The following ARHGAP8 variants were observed in gnomAD, a reference collection of about 807,000 sequenced individuals.
ARHGAP8 encodes rho GTPase-activating protein 8.
In ARHGAP8, 62 loss-of-function variants were observed where a neutral mutation model predicts 46.1. That is an observed-to-expected ratio of 1.34 (90% confidence interval 1.10 to 1.66). The LOEUF is 1.66. Among genes scored for constraint, ARHGAP8 ranks in the 40% most tolerant of loss-of-function variants. ARHGAP8 has a pLI of 0.00. For missense variants in ARHGAP8, 923 were observed against 568.4 expected (o/e 1.62, Z -6.34); for synonymous variants, 375 against 243.1 (o/e 1.54, Z -5.05).
At chr22:44,779,735 A>G (rs1312259944) in intron 1 of ARHGAP8, among the ~76,000 whole-genome samples, 2 of 151,288 alleles carry the variant, frequency 1.3e-5, no homozygotes, top group Non-Finnish European at 3.0e-5. Context: ...CGCCCAGCTA[A>G]TTTTTGTATT....
chr22:44,802,260 C>T, intron 3 of ARHGAP8, 96 bp downstream of exon 3: 5 of 1,478,844 alleles, frequency 3.4e-6, no homozygotes, highest in Non-Finnish European at 4.6e-6. Context: ...CTGCTGTGGT[C>T]TGGGGCCTCC....
intron 5 of ARHGAP8, among the ~76,000 whole-genome samples, chr22:44,817,848 C>A (rs531077739): frequency 2.6e-5 from 4 of 152,294 alleles, no homozygotes; most frequent in Non-Finnish European, 5.9e-5. Flanking sequence ...GGCATGGTGG[C>A]TCACACCTGT....
chr22:44,782,988 G>T lies in ARHGAP8; in HGVS notation c.-71-3469G>T, dbSNP rs975862939. Reference sequence around the variant, plus strand: ...CCACGTGGCTAACGTGTAGGGCCACGGGGGTTTCCAGGATGGTTCCCGCAG... The same window carrying T: ...CCACGTGGCTAACGTGTAGGGCCACTGGGGTTTCCAGGATGGTTCCCGCAG... On this transcript the variant is annotated intron_variant, in intron 1 of 11. Coordinates refer to ENST00000356099, the MANE Select transcript of ARHGAP8 (RefSeq NM_181335.3). Among the ~76,000 whole-genome samples, 18 of 152,116 alleles carry T rather than the reference G, an allele frequency of 1.2e-4. No individual in the cohort carries two copies. In the East Asian group the frequency reaches 3.3e-3, roughly 28 times the overall value.
chr22:44,824,354 G>A (rs577152881), intron 6 of ARHGAP8, among the ~76,000 whole-genome samples: 5 of 152,346 alleles, frequency 3.3e-5, no homozygotes, highest in Admixed American at 3.3e-4. Flanking sequence ...CGTGGTAGCA[G>A]CTCACACGTG....
chr22:44,858,938 C>G (rs1468495271), intron 10 of ARHGAP8, among the ~76,000 whole-genome samples: 1 of 151,808 alleles, frequency 6.6e-6, no homozygotes, highest in Non-Finnish European at 1.5e-5. Flanking sequence ...TCTGTTGCAA[C>G]TACTCAGCTC....
At chr22:44,843,109 A>C (rs1359518829) in intron 7 of ARHGAP8, among the ~76,000 whole-genome samples, 2 of 152,224 alleles carry the variant, frequency 1.3e-5, no homozygotes, top group Admixed American at 1.3e-4. Context: ...ACAGGCACGG[A>C]AGCCTTTCTC....
At chr22:44,803,048 A>C (rs1165402751) in intron 3 of ARHGAP8, among the ~76,000 whole-genome samples, 1 of 152,122 alleles carries the variant, frequency 6.6e-6, no homozygotes, top group Non-Finnish European at 1.5e-5. Context: ...TTGAGCGCCT[A>C]CTGTATGTGA....
At chr22:44,797,416 C>T (rs1382094189) in intron 2 of ARHGAP8, among the ~76,000 whole-genome samples, 1 of 152,068 alleles carries the variant, frequency 6.6e-6, no homozygotes, top group Non-Finnish European at 1.5e-5. Context: ...CGGTGGTAGA[C>T]ACTTTGTCTG....
intron 3 of ARHGAP8, 40 bp from the exon 4 acceptor site, chr22:44,808,267 T>C (rs765398296): frequency 1.3e-5 from 20 of 1,594,450 alleles, no homozygotes; most frequent in Non-Finnish European, 1.7e-5. Flanking sequence ...CAATAATGAG[T>C]AGGTGATTTT....
In ARHGAP8 at chr22:44,813,384, TACAGTACATACACCCACATAC is replaced by T. The variant is rs1480274127; in HGVS notation, c.300-1286_300-1266del. Among the ~76,000 whole-genome samples the T allele has an allele frequency of 6.3e-3, 919 of 144,956 alleles. 7 individuals are homozygous for T. Among genetic ancestry groups the T allele is most frequent in the African/African-American group, 0.022 (822 of 38,060 alleles). ...ACACCTACATACACACATACCCACCTACAGTACATACACCCACATACAGACACCTACATGTACATACACTTA... is the reference window on the plus strand; with the variant it reads ...ACACCTACATACACACATACCCACCTAGACACCTACATGTACATACACTTA... On this transcript the variant is annotated intron_variant, in intron 4 of 11. Coordinates refer to ENST00000356099, the MANE Select transcript of ARHGAP8 (RefSeq NM_181335.3).
intron 10 of ARHGAP8, among the ~76,000 whole-genome samples, chr22:44,853,699 T>C (rs943230694): frequency 6.6e-6 from 1 of 152,156 alleles, no homozygotes; most frequent in African/African-American, 2.4e-5. Context: ...ATTCACTTTT[T>C]AAAAGCCTCT....
chr22:44,772,253 T>TTTTTC (rs1555909610), intron 1 of ARHGAP8, among the ~76,000 whole-genome samples: 2 of 73,288 alleles, frequency 2.7e-5, no homozygotes, highest in African/African-American at 9.6e-5. Context: ...TTTTTTTTTT[T>TTTTTC]CAAGACTGAG....
intron 1 of ARHGAP8, among the ~76,000 whole-genome samples, chr22:44,773,022 C>T (rs908829815): frequency 1.3e-5 from 2 of 151,928 alleles, no homozygotes; most frequent in Non-Finnish European, 2.9e-5. Flanking sequence ...TCATATGTTG[C>T]CCAGGCCAGT....
intron 1 of ARHGAP8, among the ~76,000 whole-genome samples, chr22:44,767,446 AT>A (rs1925662462): frequency 6.6e-6 from 1 of 152,158 alleles, no homozygotes; most frequent in Non-Finnish European, 1.5e-5. Context: ...ATTCTCCCGT[AT>A]AGCCTGATAC....
chr22:44,762,632 C>T (rs949684417), intron 1 of ARHGAP8, among the ~76,000 whole-genome samples: 1 of 151,054 alleles, frequency 6.6e-6, no homozygotes, highest in African/African-American at 2.4e-5. Flanking sequence ...CAGCGTCCAC[C>T]TCTCGGGTTC....
chr22:44,799,974 T>G (rs1928363613), intron 2 of ARHGAP8, among the ~76,000 whole-genome samples: 3 of 101,228 alleles, frequency 3.0e-5, no homozygotes, highest in East Asian at 5.6e-4. Flanking sequence ...TCTGGCCACT[T>G]GTGGGGTGGG....
At chr22:44,758,769 G>C (rs1055753843) in intron 1 of ARHGAP8, among the ~76,000 whole-genome samples, 1 of 152,224 alleles carries the variant, frequency 6.6e-6, no homozygotes, top group African/African-American at 2.4e-5. Flanking sequence ...CAAACCACAG[G>C]CTCTTTCAGG....
At position 44,830,333 on chromosome 22, in the gene ARHGAP8, T is replaced by C. The variant is rs189288598; in HGVS notation, c.596+4740T>C. ...GCCACTGCACCCGGCTGTTACTGTTTTTTATTTTTATTTTTTTAGACAGAA... is the reference window on the plus strand; with the variant it reads ...GCCACTGCACCCGGCTGTTACTGTTCTTTATTTTTATTTTTTTAGACAGAA... On this transcript the variant is annotated intron_variant, in intron 7 of 11. Transcript: ENST00000356099. 2.9e-3 allele frequency among the ~76,000 whole-genome samples: 439 copies of C among 151,262 alleles called. 3 individuals are homozygous for C. The highest frequency in any genetic ancestry group is 0.02 in the South Asian group (98 of 4,784).
At chr22:44,862,221 G>T in intron 11 of ARHGAP8, 54 bp from the exon 12 acceptor site, 1 of 1,527,582 alleles carries the variant, frequency 6.5e-7, no homozygotes, top group East Asian at 2.3e-5. Flanking sequence ...GGAGTTCCAG[G>T]TGCCCGTGCC....
Sources: gnomAD v4.1 joint callset for allele counts (sites outside exome capture counted in the v4.1 genomes callset) on GRCh38, gnomAD v4.1.1 for gene constraint, MANE v1.5 for transcripts, NCBI Gene and HGNC (gene_info 2026-07-23, HGNC 2026-07-21) for gene names.